Variants in PTPRD observed in about 807,000 individuals in gnomAD.
PTPRD encodes the protein protein tyrosine phosphatase receptor type D.
PTPRD carries 34 observed loss-of-function variants against 214.5 expected under a neutral mutation model. That is an observed-to-expected ratio of 0.16 (90% CI 0.12 to 0.21). The LOEUF (loss-of-function observed/expected upper bound fraction) is 0.21, where lower values mean the gene tolerates loss of function less well. Among genes scored for constraint, PTPRD ranks in the 10% least tolerant of loss-of-function variants. PTPRD has a pLI of 1.00. For synonymous variants in PTPRD, 1,128 were observed against 845.7 expected (o/e 1.33, Z -5.79); for missense variants, 2,545 against 2,398.7 (o/e 1.06, Z -1.27).
At chr9:9,737,479 T>C (rs1252184199) in intron 6 of PTPRD, among the ~76,000 whole-genome samples, 3 of 152,170 alleles carry the variant, frequency 2.0e-5, no homozygotes, top group African/African-American at 7.2e-5. Context: ...AAACCCTATA[T>C]AGTACCTATT....
chr9:9,508,274 C>A (rs890321600), intron 8 of PTPRD, among the ~76,000 whole-genome samples: 1 of 151,312 alleles, frequency 6.6e-6, no homozygotes, highest in African/African-American at 2.4e-5. Context: ...CTCCAGTGGC[C>A]CCTACCACTA....
chr9:9,947,931 G>A (rs78349802), intron 4 of PTPRD, among the ~76,000 whole-genome samples: 1,620 of 151,682 alleles, frequency 0.011, 33 homozygotes, highest in African/African-American at 0.036. Flanking sequence ...AGATCAGTAG[G>A]GAACTTCATT....
chr9:9,368,592 A>G (rs1441495150), intron 9 of PTPRD, among the ~76,000 whole-genome samples: 1 of 151,848 alleles, frequency 6.6e-6, no homozygotes, highest in South Asian at 2.1e-4. Flanking sequence ...AAAAGTCCCA[A>G]AGATTATTCT....
chr9:10,545,217 T>G (rs2059933816), intron 2 of PTPRD, among the ~76,000 whole-genome samples: 1 of 152,178 alleles, frequency 6.6e-6, no homozygotes, highest in South Asian at 2.1e-4. Flanking sequence ...CAGAGATGTC[T>G]TTAGGACTTT....
intron 8 of PTPRD, among the ~76,000 whole-genome samples, chr9:9,429,656 C>T (rs561573744): frequency 6.6e-6 from 1 of 152,182 alleles, no homozygotes; most frequent in African/African-American, 2.4e-5. Context: ...TCCTCAATAA[C>T]ATACTGGCAA....
intron 10 of PTPRD, among the ~76,000 whole-genome samples, chr9:9,060,386 A>C (rs2099704854): frequency 6.6e-6 from 1 of 152,228 alleles, no homozygotes; most frequent in Non-Finnish European, 1.5e-5. Flanking sequence ...ATAATGTTAT[A>C]GGTAAAACAA....
intron 9 of PTPRD, among the ~76,000 whole-genome samples, chr9:9,364,134 A>T (rs1314685780): frequency 6.6e-6 from 1 of 151,404 alleles, no homozygotes; most frequent in Non-Finnish European, 1.5e-5. Flanking sequence ...AATCAACATG[A>T]AATTAGCTTT....
chr9:8,980,680 T>C (rs796602665), intron 11 of PTPRD, among the ~76,000 whole-genome samples: 48 of 152,226 alleles, frequency 3.2e-4, no homozygotes, highest in African/African-American at 1.1e-3. Context: ...TGGCATTCCA[T>C]TAGGAAGAGA....
chr9:9,014,203 T>TTG (rs1569401701), intron 11 of PTPRD, among the ~76,000 whole-genome samples: 19 of 148,418 alleles, frequency 1.3e-4, no homozygotes, highest in African/African-American at 3.7e-4. Context: ...TTGTTTGTTT[T>TTG]TTTTTTTTTT....
intron 35 of PTPRD, among the ~76,000 whole-genome samples, chr9:8,411,705 A>G (rs2093543931): frequency 6.6e-6 from 1 of 152,210 alleles, no homozygotes; most frequent in African/African-American, 2.4e-5. Flanking sequence ...GAGGAATAAG[A>G]TCAGCGATAT....
chr9:8,457,149 G>C (rs2096238776), intron 33 of PTPRD, among the ~76,000 whole-genome samples: 1 of 151,988 alleles, frequency 6.6e-6, no homozygotes, highest in Non-Finnish European at 1.5e-5. Context: ...CTAATTATCT[G>C]GTCCACCCAC....
chr9:8,837,258 G>A (rs1199986109), intron 11 of PTPRD, among the ~76,000 whole-genome samples: 3 of 150,886 alleles, frequency 2.0e-5, no homozygotes, highest in Non-Finnish European at 4.4e-5. Context: ...CAAGTGATCT[G>A]CCCGCCTTGG....
chr9:10,415,259 G>C (rs1457009835), intron 2 of PTPRD, among the ~76,000 whole-genome samples: 3 of 151,610 alleles, frequency 2.0e-5, no homozygotes, highest in Non-Finnish European at 4.4e-5. Context: ...GAACTCTAAA[G>C]TACTTTATAT....
chr9:10,213,371 C>T (rs1005859978), intron 3 of PTPRD, among the ~76,000 whole-genome samples: 2 of 152,052 alleles, frequency 1.3e-5, no homozygotes, highest in Non-Finnish European at 2.9e-5. Context: ...ACTTTGTGTA[C>T]AAGTGGCATG....
intron 7 of PTPRD, among the ~76,000 whole-genome samples, chr9:9,579,320 A>C (rs1248252825): frequency 6.6e-6 from 1 of 152,180 alleles, no homozygotes. Context: ...CAATCCTATC[A>C]GGTATTATGA....
chr9:8,394,830 C>G (rs1177130859), intron 36 of PTPRD, among the ~76,000 whole-genome samples: 1 of 152,086 alleles, frequency 6.6e-6, no homozygotes, highest in Non-Finnish European at 1.5e-5. Context: ...GAGGCTGCTA[C>G]TTCACATCTT....
chr9:9,305,569 C>T (rs1049890464), intron 9 of PTPRD, among the ~76,000 whole-genome samples: 1 of 152,084 alleles, frequency 6.6e-6, no homozygotes, highest in African/African-American at 2.4e-5. Flanking sequence ...TCTCTTCTGT[C>T]TCACCAATCA....
chr9:8,468,579 G>A (rs1181806750), intron 31 of PTPRD, among the ~76,000 whole-genome samples: 2 of 151,886 alleles, frequency 1.3e-5, no homozygotes, highest in Non-Finnish European at 2.9e-5. Context: ...TGTTTGGAAA[G>A]CCTCTTTCAA....
chr9:10,460,011 CAT>C (rs1358017294), intron 2 of PTPRD, among the ~76,000 whole-genome samples: 1 of 151,940 alleles, frequency 6.6e-6, no homozygotes, highest in East Asian at 1.9e-4. Context: ...GCATTAAATA[CAT>C]TCATAATGTT....
Sources: gnomAD v4.1 joint callset for allele counts (sites outside exome capture counted in the v4.1 genomes callset) on GRCh38, gnomAD v4.1.1 for gene constraint, MANE v1.5 for transcripts, NCBI Gene and HGNC (gene_info 2026-07-23, HGNC 2026-07-21) for gene names.